Variants in KIF16B observed in about 807,000 individuals in gnomAD.
KIF16B encodes kinesin family member 16B, also known as kinesin-like protein KIF16B.
KIF16B carries 98 observed loss-of-function variants against 156.3 expected under a neutral mutation model. The observed-to-expected ratio is 0.63, with a 90% CI of 0.53 to 0.74. The LOEUF (loss-of-function observed/expected upper bound fraction) is 0.74. KIF16B is among the 30% of genes least tolerant of loss of function. The pLI is 0.00. For missense variants in KIF16B, 1,421 were observed against 1,606.5 expected, an observed-to-expected ratio of 0.88 and a Z score of 1.97; for synonymous variants, 564 against 583.7, an observed-to-expected ratio of 0.97 and a Z score of 0.49.
intron 12 of KIF16B, among the ~76,000 whole-genome samples, chr20:16,441,270 C>T (rs552587815): frequency 6.6e-6 from 1 of 152,280 alleles, no homozygotes; most frequent in African/African-American, 2.4e-5. Context: ...GTTCTTGTTT[C>T]TCACCCACGG....
At chr20:16,368,922 ACT>A (rs1205051816) in intron 22 of KIF16B, 13 of 985,642 alleles carry the variant, frequency 1.3e-5, no homozygotes, top group African/African-American at 3.5e-5. Context: ...TTTCTGACTG[ACT>A]CTGAAAATCT....
chr20:16,422,883 C>T (rs6105598), intron 15 of KIF16B, among the ~76,000 whole-genome samples: 16 of 151,936 alleles, frequency 1.1e-4, no homozygotes, highest in African/African-American at 3.9e-4. Context: ...CAAAACTATC[C>T]TAATATTTAA....
At chr20:16,426,348 T>G (rs903437154) in intron 15 of KIF16B, among the ~76,000 whole-genome samples, 1 of 152,154 alleles carries the variant, frequency 6.6e-6, no homozygotes, top group Non-Finnish European at 1.5e-5. Flanking sequence ...TCTGACCTAC[T>G]GTTTTCAAAA....
chr20:16,407,251 C>T (rs1238363001), intron 15 of KIF16B, among the ~76,000 whole-genome samples: 36 of 152,164 alleles, frequency 2.4e-4, no homozygotes, highest in Non-Finnish European at 2.9e-5. Context: ...AGCTCCTTGT[C>T]ACCAGAGGCA....
chr20:16,429,146 GCTC>G (rs1428540049), intron 13 of KIF16B, 142 bp from the exon 14 acceptor site: 9 of 690,816 alleles, frequency 1.3e-5, no homozygotes, highest in Non-Finnish European at 1.8e-5. Context: ...TGCATCGAGA[GCTC>G]CCCAAGGCTC....
chr20:16,433,859 G>A (rs1319894875), intron 12 of KIF16B, among the ~76,000 whole-genome samples: 5 of 152,000 alleles, frequency 3.3e-5, no homozygotes, highest in East Asian at 3.9e-4. Context: ...TATCTATCAC[G>A]TATAAAATAT....
chr20:16,556,015 C>T (rs1359168990), intron 1 of KIF16B, among the ~76,000 whole-genome samples: 1 of 152,212 alleles, frequency 6.6e-6, no homozygotes, highest in African/African-American at 2.4e-5. Context: ...GAAAAGCTTG[C>T]CTTGGAGTAT....
chr20:16,552,397 A>G (rs1198816473), intron 1 of KIF16B, among the ~76,000 whole-genome samples: 1 of 152,246 alleles, frequency 6.6e-6, no homozygotes, highest in Non-Finnish European at 1.5e-5. Context: ...ATTAACACGC[A>G]GCCATTATGA....
chr20:16,411,929 C>CGTGT (rs36019156), intron 15 of KIF16B, among the ~76,000 whole-genome samples: 9,626 of 133,982 alleles, frequency 0.072, 391 homozygotes, highest in African/African-American at 0.11. Context: ...GAATGTTCAA[C>CGTGT]GTGTGTGTGT....
At chr20:16,424,381 G>T (rs1249192682) in intron 15 of KIF16B, among the ~76,000 whole-genome samples, 2 of 151,926 alleles carry the variant, frequency 1.3e-5, no homozygotes, top group Non-Finnish European at 2.9e-5. Context: ...AATGTCCCTG[G>T]TCCATGCTAT....
chr20:16,562,235 A>T (rs1318738067), intron 1 of KIF16B, among the ~76,000 whole-genome samples: 2 of 152,214 alleles, frequency 1.3e-5, no homozygotes, highest in African/African-American at 4.8e-5. Context: ...AAACACAGTA[A>T]AGTGTTGTAC....
intron 14 of KIF16B, 127 bp downstream of exon 14, chr20:16,428,826 C>A: frequency 1.3e-6 from 1 of 750,744 alleles, no homozygotes; most frequent in Non-Finnish European, 2.3e-6. Flanking sequence ...TACATACTGA[C>A]CAACACTGTA....
intron 12 of KIF16B, among the ~76,000 whole-genome samples, chr20:16,489,662 A>G (rs973076289): frequency 6.6e-6 from 1 of 151,350 alleles, no homozygotes; most frequent in African/African-American, 2.4e-5. Flanking sequence ...GCACCACTGC[A>G]CTCCAGCCTG....
intron 12 of KIF16B, among the ~76,000 whole-genome samples, chr20:16,449,007 A>G (rs1470389715): frequency 6.6e-6 from 1 of 152,202 alleles, no homozygotes; most frequent in Non-Finnish European, 1.5e-5. Flanking sequence ...TAAAATCAGA[A>G]AGCAAACATG....
intron 1 of KIF16B, among the ~76,000 whole-genome samples, chr20:16,548,894 C>T (rs1230713923): frequency 6.6e-6 from 1 of 151,994 alleles, no homozygotes; most frequent in Non-Finnish European, 1.5e-5. Context: ...AGATGCCTCC[C>T]CAAAATACTG....
intron 12 of KIF16B, among the ~76,000 whole-genome samples, chr20:16,459,236 T>C (rs1195019934): frequency 1.3e-5 from 2 of 152,196 alleles, no homozygotes; most frequent in Non-Finnish European, 2.9e-5. Context: ...AGGCATGAAA[T>C]GTAGTCCCTG....
rs113887018 is a variant in KIF16B, at chr20:16,557,156, T to TAC, written c.47+16072_47+16073insGT. ...ACTATATATATTAATACTATATATATATACACACACACACACATACTAATA... is the reference window on the plus strand; with the variant it reads ...ACTATATATATTAATACTATATATATACATACACACACACACACATACTAATA... On this transcript the variant is annotated intron_variant, in intron 1 of 25. Transcript: ENST00000354981. 4.3e-3 allele frequency among the ~76,000 whole-genome samples: 511 copies of TAC among 119,818 alleles called. 4 individuals carry two copies. Among genetic ancestry groups the TAC allele is most frequent in the African/African-American group, 0.015 (453 of 30,352 alleles). 78.6% of individuals were successfully genotyped at this position (119,818 alleles called of 152,430 possible). A position where few individuals can be genotyped will look rare whatever the true frequency, so the allele number is the denominator to read the frequency against.
intron 24 of KIF16B, among the ~76,000 whole-genome samples, chr20:16,332,789 C>T (rs913983183): frequency 1.3e-5 from 2 of 152,002 alleles, no homozygotes; most frequent in Non-Finnish European, 2.9e-5. Context: ...ATTCCTGATC[C>T]AAACAATAAC....
chr20:16,364,849 T>G (rs1251465947), intron 22 of KIF16B, among the ~76,000 whole-genome samples: 1 of 152,224 alleles, frequency 6.6e-6, no homozygotes, highest in Non-Finnish European at 1.5e-5. Context: ...GAAGTTATAA[T>G]GAGTGATATG....
Sources: gnomAD v4.1 joint callset for allele counts (sites outside exome capture counted in the v4.1 genomes callset) on GRCh38, gnomAD v4.1.1 for gene constraint, MANE v1.5 for transcripts, NCBI Gene and HGNC (gene_info 2026-07-23, HGNC 2026-07-21) for gene names.